The following TOX variants were observed in gnomAD, a reference collection of about 807,000 sequenced individuals.
TOX encodes the protein thymocyte selection associated high mobility group box.
TOX carries 11 observed loss-of-function variants against 53.7 expected under a neutral mutation model. The ratio of observed to expected loss-of-function variants is 0.20; its 90% CI spans 0.13 to 0.34. The LOEUF is 0.34. Among genes scored for constraint, TOX ranks in the 10% least tolerant of loss-of-function variants. The probability of loss-of-function intolerance (pLI) is 1.00; values close to 1 mark genes in which losing one functional copy is unlikely to be tolerated. For synonymous variants in TOX, 225 were observed against 245.3 expected (o/e 0.92, Z 0.77); for missense variants, 570 against 664.6 (o/e 0.86, Z 1.56).
intron 1 of TOX, among the ~76,000 whole-genome samples, chr8:58,984,908 T>C (rs1178536608): frequency 1.3e-5 from 2 of 151,136 alleles, no homozygotes; most frequent in African/African-American, 2.4e-5. Context: ...GAAAACACGA[T>C]GGCAGTTTCT....
At chr8:59,089,388 C>T (rs1474106936) in intron 1 of TOX, among the ~76,000 whole-genome samples, 1 of 152,172 alleles carries the variant, frequency 6.6e-6, no homozygotes, top group Admixed American at 6.5e-5. Context: ...ATAGTGACCT[C>T]TTTCAGCTCT....
chr8:58,999,519 G>A (rs532823949), intron 1 of TOX, among the ~76,000 whole-genome samples: 1 of 152,202 alleles, frequency 6.6e-6, no homozygotes, highest in Non-Finnish European at 1.5e-5. Context: ...GAGGTGGGAG[G>A]TGTGGAACTG....
chr8:58,998,025 C>G (rs552358758), intron 1 of TOX, among the ~76,000 whole-genome samples: 1 of 152,178 alleles, frequency 6.6e-6, no homozygotes, highest in East Asian at 1.9e-4. Flanking sequence ...ATCTCCTGAC[C>G]TCGTGATCCG....
intron 3 of TOX, among the ~76,000 whole-genome samples, chr8:58,935,770 C>G (rs944535743): frequency 6.6e-6 from 1 of 152,164 alleles, no homozygotes; most frequent in Admixed American, 6.5e-5. Context: ...AGCAAACTTG[C>G]TAGCAAAGAG....
chr8:58,871,408 A>C (rs1205686504), intron 3 of TOX, among the ~76,000 whole-genome samples: 1 of 152,168 alleles, frequency 6.6e-6, no homozygotes, highest in African/African-American at 2.4e-5. Flanking sequence ...TACAAATTTA[A>C]AAAGCTATTT....
chr8:59,018,133 A>G (rs567326065), intron 1 of TOX, among the ~76,000 whole-genome samples: 2 of 152,306 alleles, frequency 1.3e-5, no homozygotes, highest in East Asian at 3.9e-4. Context: ...ATAATGTGCC[A>G]CTGTTCAACA....
At chr8:59,017,127 G>T (rs1366408827) in intron 1 of TOX, among the ~76,000 whole-genome samples, 1 of 152,172 alleles carries the variant, frequency 6.6e-6, no homozygotes, top group South Asian at 2.1e-4. Flanking sequence ...CGAGGACATC[G>T]TCTAGCTTAT....
Position 58,805,656 on chromosome 8 carries a change from A to T in TOX, c.*2091T>A, listed in dbSNP as rs1809962029. 1.3e-5 allele frequency: 2 copies of T among 152,668 alleles called. No individual in the cohort carries two copies. The highest frequency in any genetic ancestry group is 1.3e-4 in the Admixed American group (2 of 15,274). The allele number at this position is 152,668 out of a possible 1,614,324, so 9.5% of individuals were successfully genotyped here. On this transcript the variant is annotated 3_prime_UTR_variant, in exon 9 of 9. Transcript: ENST00000361421. The stretch of plus-strand genomic sequence containing the variant: ...TTAATGCAAGTGAAATTTTTACTTT[A>T]TCATAATATAATAAATAAAAGACAT...
At chr8:58,913,270 T>G (rs1811936449) in intron 3 of TOX, among the ~76,000 whole-genome samples, 1 of 152,170 alleles carries the variant, frequency 6.6e-6, no homozygotes, top group Non-Finnish European at 1.5e-5. Context: ...GAGCTATGAT[T>G]GCACCACTGC....
At chr8:58,905,175 C>T (rs1424237975) in intron 3 of TOX, among the ~76,000 whole-genome samples, 1 of 152,218 alleles carries the variant, frequency 6.6e-6, no homozygotes, top group Non-Finnish European at 1.5e-5. Flanking sequence ...TCATGATCTA[C>T]CCGCTTTGGC....
Position 58,879,060 on chromosome 8 carries a change from C to CAAA in TOX, c.412-27258_412-27256dup, listed in dbSNP as rs36010111. ...TAGGCGACAAAGCAAGACTTCATCT[C>CAAA]AAAAAAAAAAAAACAAAAAAACTCA... On this transcript the variant is annotated intron_variant, in intron 3 of 8. Transcript: ENST00000361421. 2.9e-3 allele frequency among the ~76,000 whole-genome samples: 370 copies of CAAA among 128,068 alleles called. 3 individuals are homozygous for CAAA. Among genetic ancestry groups the CAAA allele is most frequent in the African/African-American group, 8.7e-3 (311 of 35,722 alleles). The allele number at this position is 128,068 out of a possible 152,430, so 84.0% of individuals were successfully genotyped here.
intron 3 of TOX, among the ~76,000 whole-genome samples, chr8:58,903,783 C>A (rs943917752): frequency 2.0e-5 from 3 of 152,112 alleles, no homozygotes; most frequent in African/African-American, 7.2e-5. Flanking sequence ...TAACATATAT[C>A]CAGGGCTTAT....
At chr8:58,914,000 G>A (rs554674721) in intron 3 of TOX, among the ~76,000 whole-genome samples, 94 of 152,314 alleles carry the variant, frequency 6.2e-4, no homozygotes, top group African/African-American at 2.3e-3. Context: ...AATTGCAGTG[G>A]CAGGAGGTCC....
At chr8:59,010,326 A>G (rs1373337535) in intron 1 of TOX, among the ~76,000 whole-genome samples, 1 of 152,198 alleles carries the variant, frequency 6.6e-6, no homozygotes, top group Non-Finnish European at 1.5e-5. Context: ...TATGACTATT[A>G]CTATTATTAC....
At chr8:58,985,053 T>C (rs1272974645) in intron 1 of TOX, among the ~76,000 whole-genome samples, 1 of 149,828 alleles carries the variant, frequency 6.7e-6, no homozygotes, top group Non-Finnish European at 1.5e-5. Flanking sequence ...ATCTATATAT[T>C]ATATAGATAT....
intron 3 of TOX, among the ~76,000 whole-genome samples, chr8:58,909,660 C>CT (rs34509406): frequency 0.075 from 10,670 of 142,970 alleles, 573 homozygotes; most frequent in Admixed American, 0.16. Context: ...CTCTCTCTCT[C>CT]TTTTTTTTTT....
chr8:59,100,148 ACAT>A (rs1262827618), intron 1 of TOX, among the ~76,000 whole-genome samples: 1 of 152,200 alleles, frequency 6.6e-6, no homozygotes, highest in African/African-American at 2.4e-5. Context: ...ACACTGGGTA[ACAT>A]CATAATTCTC....
intron 2 of TOX, among the ~76,000 whole-genome samples, chr8:58,953,115 AAAATAATAATAAT>A (rs1264959810): frequency 6.6e-6 from 1 of 152,070 alleles, no homozygotes; most frequent in African/African-American, 2.4e-5. Flanking sequence ...ATACCCAACT[AAAATAATAATAAT>A]AAATAATAAT....
chr8:58,933,663 G>A (rs928552566), intron 3 of TOX, among the ~76,000 whole-genome samples: 3 of 152,110 alleles, frequency 2.0e-5, no homozygotes, highest in African/African-American at 7.2e-5. Flanking sequence ...GAGTCTCAAA[G>A]TCTAGATCAA....
Sources: gnomAD v4.1 joint callset for allele counts (sites outside exome capture counted in the v4.1 genomes callset) on GRCh38, gnomAD v4.1.1 for gene constraint, MANE v1.5 for transcripts, NCBI Gene and HGNC (gene_info 2026-07-23, HGNC 2026-07-21) for gene names.